ARHGEF3: variants seen among roughly 807,000 people sequenced by gnomAD.
ARHGEF3 encodes Rho guanine nucleotide exchange factor 3.
In ARHGEF3, 28 loss-of-function variants were observed where a neutral mutation model predicts 63.2. The observed-to-expected ratio is 0.44, with a 90% CI of 0.33 to 0.61. The LOEUF is 0.61. Among genes scored for constraint, ARHGEF3 ranks in the 20% least tolerant of loss-of-function variants. The pLI is 0.03. For synonymous variants in ARHGEF3, 266 were observed against 254.2 expected, an observed-to-expected ratio of 1.05 and a Z score of -0.44; for missense variants, 533 against 659.3, an observed-to-expected ratio of 0.81 and a Z score of 2.10.
In ARHGEF3 at chr3:56,729,544, T is replaced by C. The variant is rs201010680; in HGVS notation, c.1307A>G (p.Asn436Ser). The change falls in exon 10 of 10, where the codon AAC (asparagine) becomes AGC (serine). Residue 436 changes from asparagine to serine, a missense_variant. Coordinates refer to ENST00000296315, the MANE Select transcript of ARHGEF3 (RefSeq NM_019555.3). ...THSLQANDTF[N>S]KQQWLNCIRQ... ...AATACAGTTAAGCCACTGCTGTTTG[T>C]TGAAAGTGTCATTGGCTTGTAGCGA... 29 of 1,614,208 alleles carry C rather than the reference T, an allele frequency of 1.8e-5. No homozygotes were observed. Among genetic ancestry groups the C allele is most frequent in the African/African-American group, 2.7e-5 (2 of 75,062 alleles).
intron 3 of ARHGEF3, among the ~76,000 whole-genome samples, chr3:56,943,508 G>C (rs1004265976): frequency 2.0e-5 from 3 of 152,124 alleles, no homozygotes; most frequent in African/African-American, 7.2e-5. Context: ...CGAGAGCTTC[G>C]ATAGAGCTCT....
chr3:56,876,136 C>T (rs2040579566), intron 4 of ARHGEF3, among the ~76,000 whole-genome samples: 1 of 152,034 alleles, frequency 6.6e-6, no homozygotes, highest in African/African-American at 2.4e-5. Flanking sequence ...CAAGATGGAG[C>T]ATGAGGAGTT....
chr3:56,866,452 G>A (rs1216952103), intron 4 of ARHGEF3, among the ~76,000 whole-genome samples: 8 of 152,210 alleles, frequency 5.3e-5, no homozygotes, highest in Non-Finnish European at 1.0e-4. Flanking sequence ...ACCCTGGACA[G>A]AAAGCAGGGA....
chr3:56,881,674 G>C (rs963638568), intron 4 of ARHGEF3, among the ~76,000 whole-genome samples: 1 of 152,120 alleles, frequency 6.6e-6, no homozygotes, highest in African/African-American at 2.4e-5. Flanking sequence ...GCAAATATTT[G>C]GTGGGTGCCC....
At chr3:57,005,168 T>G (rs1207681705) in intron 2 of ARHGEF3, among the ~76,000 whole-genome samples, 3 of 152,180 alleles carry the variant, frequency 2.0e-5, no homozygotes, top group South Asian at 4.1e-4. Flanking sequence ...GCTTCAGAAT[T>G]TGAGAGATTT....
intron 6 of ARHGEF3, among the ~76,000 whole-genome samples, chr3:56,746,759 T>C (rs1466537072): frequency 2.6e-5 from 4 of 151,750 alleles, no homozygotes; most frequent in African/African-American, 9.7e-5. Flanking sequence ...TACATAAAAA[T>C]AAATAAAGTA....
At chr3:56,792,665 G>A (rs6445825) in intron 1 of ARHGEF3, among the ~76,000 whole-genome samples, 43,406 of 152,048 alleles carry the variant, frequency 0.29, 7,853 homozygotes, top group African/African-American at 0.52. Context: ...TAAAATGCAC[G>A]AATACAAAGC....
chr3:57,047,601 T>C (rs1381089661), intron 1 of ARHGEF3, among the ~76,000 whole-genome samples: 2 of 152,102 alleles, frequency 1.3e-5, no homozygotes, highest in Non-Finnish European at 2.9e-5. Flanking sequence ...CACAGTGCCA[T>C]GCAAAGGTCA....
At chr3:56,834,171 C>T (rs980784765) in intron 4 of ARHGEF3, among the ~76,000 whole-genome samples, 2 of 151,914 alleles carry the variant, frequency 1.3e-5, no homozygotes, top group African/African-American at 2.4e-5. Flanking sequence ...CCAAAATTCT[C>T]GGATTACAAG....
At chr3:56,907,813 T>C (rs957068827) in intron 3 of ARHGEF3, among the ~76,000 whole-genome samples, 1 of 152,030 alleles carries the variant, frequency 6.6e-6, no homozygotes. Flanking sequence ...GGGAGCTAAA[T>C]GATGAGAACA....
intron 3 of ARHGEF3, among the ~76,000 whole-genome samples, chr3:56,928,896 C>T (rs371675603): frequency 2.0e-5 from 3 of 152,166 alleles, no homozygotes; most frequent in South Asian, 2.1e-4. Flanking sequence ...ACATAACACA[C>T]GGGCCTCAGT....
At chr3:56,906,081 T>C (rs1006267292) in intron 3 of ARHGEF3, among the ~76,000 whole-genome samples, 2 of 152,066 alleles carry the variant, frequency 1.3e-5, no homozygotes, top group African/African-American at 4.8e-5. Context: ...GGCAGGCTGG[T>C]CTCAAACTCC....
rs10557985 is a variant in ARHGEF3, at chr3:56,794,488, C to CAAAAAAAAA, written c.96+7206_96+7214dup. ...GGGCAATAAGAGCGAGACTCTATCT[C>CAAAAAAAAA]AAAAAAAAAAAAAAAAAAAAAAAAG... is the stretch of plus-strand genomic sequence containing the variant. On this transcript the variant is annotated intron_variant, in intron 1 of 9. Coordinates refer to ENST00000296315, the MANE Select transcript of ARHGEF3 (RefSeq NM_019555.3). Among the ~76,000 whole-genome samples, 262 of 116,848 alleles carry CAAAAAAAAA rather than the reference C, an allele frequency of 2.2e-3. 3 individuals carry two copies. Among genetic ancestry groups the CAAAAAAAAA allele is most frequent in the East Asian group, 0.011 (47 of 4,130 alleles). The allele number at this position is 116,848 out of a possible 152,430, so 76.7% of individuals were successfully genotyped here. A position where few individuals can be genotyped will look rare whatever the true frequency, so the allele number is the denominator to read the frequency against.
At chr3:57,061,748 C>G (rs1705233433) in intron 1 of ARHGEF3, among the ~76,000 whole-genome samples, 1 of 152,194 alleles carries the variant, frequency 6.6e-6, no homozygotes, top group African/African-American at 2.4e-5. Context: ...TCTCAGTGAG[C>G]AGTCTCTCAT....
chr3:56,837,427 C>T (rs2039153471), intron 4 of ARHGEF3, among the ~76,000 whole-genome samples: 1 of 152,232 alleles, frequency 6.6e-6, no homozygotes, highest in Non-Finnish European at 1.5e-5. Flanking sequence ...TGGAATTAGT[C>T]TTCCATCTTT....
intron 1 of ARHGEF3, among the ~76,000 whole-genome samples, chr3:57,059,101 C>T (rs547930959): frequency 4.6e-5 from 7 of 152,066 alleles, no homozygotes; most frequent in African/African-American, 1.7e-4. Context: ...TGTAACAAAC[C>T]TGCACGTTGT....
intron 8 of ARHGEF3, 129 bp downstream of exon 8, chr3:56,737,056 A>G (rs2033671410): frequency 2.8e-6 from 3 of 1,086,596 alleles, no homozygotes; most frequent in Admixed American, 2.6e-5. Context: ...CCTGGGTGAC[A>G]AAGCGAGACT....
chr3:56,816,526 AG>A (rs1397127712), intron 4 of ARHGEF3, among the ~76,000 whole-genome samples: 1 of 152,232 alleles, frequency 6.6e-6, no homozygotes, highest in African/African-American at 2.4e-5. Context: ...CGCTTGTACA[AG>A]GCTACATCCC....
At chr3:57,040,740 C>T in intron 1 of ARHGEF3, among the ~76,000 whole-genome samples, 1 of 152,106 alleles carries the variant, frequency 6.6e-6, no homozygotes, top group East Asian at 1.9e-4. Context: ...CTGCCTGCTT[C>T]ATCCCATTTC....
Sources: allele counts gnomAD v4.1 joint callset (sites outside exome capture counted in the v4.1 genomes callset), GRCh38; gene constraint gnomAD v4.1.1; transcripts MANE v1.5; gene names NCBI Gene and HGNC (gene_info 2026-07-23, HGNC 2026-07-21).